Variants in MAST4 observed in about 807,000 individuals in gnomAD.
MAST4 encodes microtubule-associated serine/threonine-protein kinase 4.
A neutral mutation model predicts 162.7 loss-of-function variants in MAST4; 89 were observed. That is an observed-to-expected ratio of 0.55 (90% CI 0.46 to 0.65). The LOEUF (loss-of-function observed/expected upper bound fraction) is 0.65. Ranked by LOEUF, MAST4 falls within the 30% of genes least tolerant of loss-of-function variation. MAST4 has a pLI of 0.00. For synonymous variants in MAST4, 1,479 were observed against 1,361.1 expected, an observed-to-expected ratio of 1.09 and a Z score of -1.91; for missense variants, 3,153 against 3,374.0, an observed-to-expected ratio of 0.93 and a Z score of 1.62.
rs572066238 is a variant in MAST4, at chr5:66,754,435, A to C, written c.364-5274A>C. 7.3e-4 allele frequency among the ~76,000 whole-genome samples: 111 copies of C among 152,358 alleles called. 1 individual carries two copies. Among genetic ancestry groups the C allele is most frequent in the African/African-American group, 2.5e-3 (106 of 41,592 alleles). ...CCACACATGAAGTGTTCAGTTTTTC[A>C]AAATACTAGAGACTCACTTTAGTTT... On this transcript the variant is annotated intron_variant, in intron 1 of 28. Transcript: ENST00000403625.
chr5:66,857,019 C>T (rs1165137310), intron 3 of MAST4, among the ~76,000 whole-genome samples: 3 of 152,144 alleles, frequency 2.0e-5, no homozygotes, highest in East Asian at 1.9e-4. Flanking sequence ...AAGAAGAAAA[C>T]TTAAAACATA....
At chr5:66,947,931 C>G (rs1190886274) in intron 4 of MAST4, among the ~76,000 whole-genome samples, 1 of 152,096 alleles carries the variant, frequency 6.6e-6, no homozygotes, top group East Asian at 1.9e-4. Flanking sequence ...CTCACATTGC[C>G]TGGAGACTTT....
At chr5:67,049,974 A>C (rs1043289487) in intron 4 of MAST4, among the ~76,000 whole-genome samples, 5 of 152,176 alleles carry the variant, frequency 3.3e-5, no homozygotes, top group Non-Finnish European at 7.3e-5. Context: ...AAACTTTTAC[A>C]GGTCCCACCA....
At chr5:66,962,228 CATG>C (rs1448060713) in intron 4 of MAST4, among the ~76,000 whole-genome samples, 2 of 152,252 alleles carry the variant, frequency 1.3e-5, no homozygotes, top group East Asian at 3.9e-4. Context: ...GATAGGAAAA[CATG>C]ATACAGTGTA....
chr5:67,082,210 G>A (rs1165308672), intron 5 of MAST4, among the ~76,000 whole-genome samples: 2 of 147,806 alleles, frequency 1.4e-5, no homozygotes, highest in Admixed American at 6.8e-5. Context: ...GTGCAGTGGC[G>A]CGATCTCAGC....
At chr5:66,884,431 C>T (rs1199193699) in intron 3 of MAST4, among the ~76,000 whole-genome samples, 1 of 152,142 alleles carries the variant, frequency 6.6e-6, no homozygotes, top group East Asian at 1.9e-4. Flanking sequence ...GACTCTGTAG[C>T]TCTATATTTT....
intron 4 of MAST4, among the ~76,000 whole-genome samples, chr5:67,026,145 G>A (rs1169894564): frequency 3.9e-5 from 6 of 152,148 alleles, no homozygotes; most frequent in Non-Finnish European, 8.8e-5. Flanking sequence ...TAATGATCAA[G>A]GTCTAAATAT....
chr5:66,902,200 C>T (rs555602297), intron 4 of MAST4, among the ~76,000 whole-genome samples: 4 of 152,218 alleles, frequency 2.6e-5, no homozygotes, highest in South Asian at 4.1e-4. Flanking sequence ...CTGCACATAG[C>T]GTGATGTATT....
chr5:66,838,454 C>T (rs989046947), intron 3 of MAST4, among the ~76,000 whole-genome samples: 1 of 152,098 alleles, frequency 6.6e-6, no homozygotes, highest in Non-Finnish European at 1.5e-5. Context: ...TGTGCTGTGT[C>T]TTAAACTTAC....
At chr5:67,107,779 G>T (rs1277744930) in intron 10 of MAST4, among the ~76,000 whole-genome samples, 2 of 152,220 alleles carry the variant, frequency 1.3e-5, no homozygotes. Flanking sequence ...AATTCCAGAT[G>T]AATGCTTTTA....
chr5:66,743,695 G>A (rs898606122), intron 1 of MAST4, among the ~76,000 whole-genome samples: 2 of 152,226 alleles, frequency 1.3e-5, no homozygotes, highest in African/African-American at 4.8e-5. Context: ...AGGGAAACAG[G>A]AGGATAGCAG....
At chr5:66,804,863 A>C (rs907075570) in intron 3 of MAST4, among the ~76,000 whole-genome samples, 7 of 152,150 alleles carry the variant, frequency 4.6e-5, no homozygotes, top group Admixed American at 1.3e-4. Flanking sequence ...TTATGACTTC[A>C]TGGAAATTTG....
At position 66,949,300 on chromosome 5, in the gene MAST4, A is replaced by G. The variant is rs893361091; in HGVS notation, c.674+49318A>G. On this transcript the variant is annotated intron_variant, in intron 4 of 28. Transcript: ENST00000403625. ...GTGTCCCCACCCAGATCTCGCCTTG[A>G]ATTGTAATGATCCCTACATGTCAAG... is the stretch of plus-strand genomic sequence containing the variant. Among the ~76,000 whole-genome samples the G allele has an allele frequency of 2.6e-4, 40 of 152,168 alleles. 1 individual carries two copies. The highest frequency in any genetic ancestry group is 4.9e-4 in the Non-Finnish European group (33 of 68,024).
chr5:66,856,430 A>G (rs39861), intron 3 of MAST4, among the ~76,000 whole-genome samples: 38,848 of 152,132 alleles, frequency 0.26, 5,020 homozygotes, highest in East Asian at 0.34. Flanking sequence ...TTCACCTGGA[A>G]CTTAAATGGA....
At chr5:66,603,007 T>C (rs1742652245) in intron 1 of MAST4, among the ~76,000 whole-genome samples, 1 of 152,186 alleles carries the variant, frequency 6.6e-6, no homozygotes, top group South Asian at 2.1e-4. Flanking sequence ...CATAATGGTA[T>C]TTGCTACTAT....
intron 1 of MAST4, among the ~76,000 whole-genome samples, chr5:66,670,598 A>G (rs1281249826): frequency 1.3e-5 from 2 of 152,152 alleles, no homozygotes; most frequent in Non-Finnish European, 2.9e-5. Context: ...ATAAAGAAAA[A>G]TATTAAGCAA....
In MAST4 at chr5:66,828,207, T is replaced by G. The variant is rs34391947; in HGVS notation, c.642+39413T>G. ...CAGGTATTTATGTAAATGAATGGGC[T>G]TTCATGCTGGGAGGTGTAAAGGGTT... On this transcript the variant is annotated intron_variant, in intron 3 of 28. Transcript: ENST00000403625. Among the ~76,000 whole-genome samples, 1,362 of 152,278 alleles carry G rather than the reference T, an allele frequency of 8.9e-3. 22 individuals carry two copies. The highest frequency in any genetic ancestry group is 0.081 in the South Asian group (390 of 4,822).
intron 5 of MAST4, among the ~76,000 whole-genome samples, chr5:67,078,790 C>CTAAATATATATATTTATTTATATTTATA (rs1762046013): frequency 9.3e-6 from 1 of 106,986 alleles, no homozygotes; most frequent in African/African-American, 3.6e-5. Context: ...TTATATTTAT[C>CTAAATATATATATTTATTTATATTTATA]TAAATATATT....
At chr5:66,967,392 G>C (rs1387883035) in intron 4 of MAST4, among the ~76,000 whole-genome samples, 1 of 152,186 alleles carries the variant, frequency 6.6e-6, no homozygotes, top group Non-Finnish European at 1.5e-5. Context: ...GACATCTGCA[G>C]CTTCCAGGAC....
Sources: allele counts gnomAD v4.1 joint callset (sites outside exome capture counted in the v4.1 genomes callset), GRCh38; gene constraint gnomAD v4.1.1; transcripts MANE v1.5; gene names NCBI Gene and HGNC (gene_info 2026-07-23, HGNC 2026-07-21).